DESI2: variants seen among roughly 807,000 people sequenced by gnomAD.
DESI2 encodes the protein desumoylating isopeptidase 2.
Under a neutral mutation model 24.1 loss-of-function variants are expected in DESI2, and 10 were observed. The observed-to-expected ratio is 0.41, with a 90% CI of 0.26 to 0.70. The LOEUF (loss-of-function observed/expected upper bound fraction) is 0.70, where lower values mean the gene tolerates loss of function less well. Among genes scored for constraint, DESI2 ranks in the 30% least tolerant of loss-of-function variants. The pLI is 0.29. For synonymous variants in DESI2, 71 were observed against 87.7 expected (o/e 0.81, Z 1.06); for missense variants, 122 against 234.9 (o/e 0.52, Z 3.14).
At chr1:244,674,561 C>T (rs148447994) in intron 1 of DESI2, among the ~76,000 whole-genome samples, 20 of 152,216 alleles carry the variant, frequency 1.3e-4, no homozygotes, top group African/African-American at 4.6e-4. Context: ...ATCTACTTTC[C>T]GTCTGTGTAG....
At chr1:244,684,577 C>T (rs1403929242) in intron 1 of DESI2, among the ~76,000 whole-genome samples, 3 of 151,984 alleles carry the variant, frequency 2.0e-5, no homozygotes, top group Non-Finnish European at 4.4e-5. Context: ...TATCGAGTTA[C>T]CTCATTCTTT....
At chr1:244,668,658 G>A (rs1156339026) in intron 1 of DESI2, among the ~76,000 whole-genome samples, 1 of 152,076 alleles carries the variant, frequency 6.6e-6, no homozygotes, top group East Asian at 1.9e-4. Flanking sequence ...AAAAAGAGAT[G>A]GCATTTGTCA....
chr1:244,700,351 A>G (rs1437837237), intron 4 of DESI2, among the ~76,000 whole-genome samples: 3 of 152,152 alleles, frequency 2.0e-5, no homozygotes, highest in South Asian at 4.1e-4. Flanking sequence ...CCCCAGATTT[A>G]AAAGTATTTT....
chr1:244,699,578 C>CA lies in DESI2; in HGVS notation c.352-5940dup, dbSNP rs559295405. Among the ~76,000 whole-genome samples, 350 of 66,210 alleles carry CA rather than the reference C, an allele frequency of 5.3e-3. 36 individuals are homozygous for CA. Among genetic ancestry groups the CA allele is most frequent in the East Asian group, 8.7e-3 (15 of 1,732 alleles). 43.4% of individuals were successfully genotyped at this position (66,210 alleles called of 152,430 possible). The stretch of plus-strand genomic sequence containing the variant: ...GCCTAGCAACAGAGTGAGACTGTCT[C>CA]AAAAAAAAAAAAAAAAAAAAAAAAA... On this transcript the variant is annotated intron_variant, in intron 4 of 4. Transcript: ENST00000302550.
chr1:244,700,669 C>T (rs7521025), intron 4 of DESI2, among the ~76,000 whole-genome samples: 12,952 of 152,170 alleles, frequency 0.085, 1,828 homozygotes, highest in African/African-American at 0.3. Context: ...TTCATAGTGA[C>T]GTTTCTACTA....
intron 1 of DESI2, among the ~76,000 whole-genome samples, chr1:244,663,945 G>A (rs1488608511): frequency 6.6e-6 from 1 of 150,794 alleles, no homozygotes; most frequent in Non-Finnish European, 1.5e-5. Context: ...GTGAACCTGG[G>A]AGGCGGAGGT....
intron 1 of DESI2, among the ~76,000 whole-genome samples, chr1:244,670,571 A>G (rs1055400548): frequency 1.3e-5 from 2 of 152,220 alleles, no homozygotes; most frequent in Admixed American, 6.5e-5. Flanking sequence ...TAATTTATTT[A>G]TTCTTCATAA....
chr1:244,701,229 C>G lies in DESI2; in HGVS notation c.352-4327C>G, dbSNP rs1249996640. Among the ~76,000 whole-genome samples the G allele has an allele frequency of 1.7e-4, 15 of 87,680 alleles. 3 individuals carry two copies. Among genetic ancestry groups the G allele is most frequent in the East Asian group, 1.3e-3 (3 of 2,304 alleles). 57.5% of individuals were successfully genotyped at this position (87,680 alleles called of 152,430 possible). The stretch of plus-strand genomic sequence containing the variant: ...CCTTCCCCTCCACCCCCCCCCCCCC[C>G]CCCCCGCCCTTTTAACTGCTGAAGA... On this transcript the variant is annotated intron_variant, in intron 4 of 4. Transcript: ENST00000302550.
Position 244,683,558 on chromosome 1 carries a change from A to C in DESI2, c.43-3039A>C, listed in dbSNP as rs374048439. Among the ~76,000 whole-genome samples, 22 of 152,148 alleles carry C rather than the reference A, an allele frequency of 1.4e-4. No individual in the cohort carries two copies. The South Asian group carries it at 3.7e-3, about 26-fold the overall frequency. On this transcript the variant is annotated intron_variant, in intron 1 of 4. Transcript: ENST00000302550. ...GATCTCCTGACCTTGTGATCCGCCC[A>C]CCTCAGCCTCCCAAAGTGCTGGGAT...
At chr1:244,681,930 G>A (rs547669742) in intron 1 of DESI2, among the ~76,000 whole-genome samples, 56 of 152,260 alleles carry the variant, frequency 3.7e-4, no homozygotes, top group African/African-American at 1.3e-3. Context: ...GCAGACCCTC[G>A]TGGTGAGTGT....
At chr1:244,683,573 A>C (rs1676705885) in intron 1 of DESI2, among the ~76,000 whole-genome samples, 1 of 151,854 alleles carries the variant, frequency 6.6e-6, no homozygotes, top group African/African-American at 2.4e-5. Context: ...AGCCTCCCAA[A>C]GTGCTGGGAT....
chr1:244,653,521 C>T (rs1316446571), intron 1 of DESI2, 166 bp downstream of exon 1: 21 of 647,922 alleles, frequency 3.2e-5, no homozygotes, highest in African/African-American at 7.7e-5. Context: ...TTTTTTAATC[C>T]TCGCACTCGT....
At chr1:244,692,999 A>C (rs1365748646) in intron 4 of DESI2, among the ~76,000 whole-genome samples, 1 of 152,214 alleles carries the variant, frequency 6.6e-6, no homozygotes, top group African/African-American at 2.4e-5. Context: ...GTCTTCAGGC[A>C]GGGGGAAGGT....
chr1:244,678,749 A>G (rs976243060), intron 1 of DESI2, among the ~76,000 whole-genome samples: 3 of 152,172 alleles, frequency 2.0e-5, no homozygotes, highest in Non-Finnish European at 1.5e-5. Context: ...TTTTTGGATA[A>G]TATTCTATAT....
intron 1 of DESI2, among the ~76,000 whole-genome samples, chr1:244,667,229 A>C (rs1158395465): frequency 3.9e-5 from 6 of 152,322 alleles, no homozygotes. Flanking sequence ...AGACAAGGCA[A>C]GTCCCTTCCT....
chr1:244,663,269 T>C (rs1025902210), intron 1 of DESI2, among the ~76,000 whole-genome samples: 11 of 151,992 alleles, frequency 7.2e-5, no homozygotes, highest in Non-Finnish European at 8.8e-5. Flanking sequence ...CTCCGCCTCC[T>C]GGGTTCACGC....
chr1:244,659,199 G>C (rs1465117301), intron 1 of DESI2, among the ~76,000 whole-genome samples: 1 of 151,624 alleles, frequency 6.6e-6, no homozygotes, highest in East Asian at 1.9e-4. Context: ...AGGGGGGAAG[G>C]GGGTGGGGGA....
intron 4 of DESI2, among the ~76,000 whole-genome samples, chr1:244,704,973 T>TG (rs1363693766): frequency 6.6e-6 from 1 of 152,134 alleles, no homozygotes; most frequent in Non-Finnish European, 1.5e-5. Context: ...TTTTTTAATT[T>TG]GAGACACTCT....
rs941110284 is a variant in DESI2 at position 244,706,605 on chromosome 1, A to G, written c.*816A>G. The stretch of plus-strand genomic sequence containing the variant: ...AGGCGCTTCATTTTTATTTTAATAC[A>G]CATGTATTTCCTCCTTGCACAGGAT... On this transcript the variant is annotated 3_prime_UTR_variant, in exon 5 of 5. Transcript: ENST00000302550. The G allele has an allele frequency of 6.6e-6, 1 of 152,578 alleles. No individual in the cohort carries two copies. Among genetic ancestry groups the G allele is most frequent in the African/African-American group, 2.4e-5 (1 of 41,418 alleles). The allele number at this position is 152,578 out of a possible 1,614,324, so 9.5% of individuals were successfully genotyped here.
Sources: allele counts gnomAD v4.1 joint callset (sites outside exome capture counted in the v4.1 genomes callset), GRCh38; gene constraint gnomAD v4.1.1; transcripts MANE v1.5; gene names NCBI Gene and HGNC (gene_info 2026-07-23, HGNC 2026-07-21).